The following HNRNPM variants were observed in gnomAD, a reference collection of about 807,000 sequenced individuals.
HNRNPM encodes heterogeneous nuclear ribonucleoprotein M.
In HNRNPM, 11 loss-of-function variants were observed where a neutral mutation model predicts 73.1. The observed-to-expected ratio is 0.15, with a 90% confidence interval of 0.09 to 0.25. HNRNPM has a LOEUF of 0.25. Among genes scored for constraint, HNRNPM ranks in the 10% least tolerant of loss-of-function variants. The pLI is 1.00. For missense variants in HNRNPM, 789 were observed against 1,067.9 expected (o/e 0.74, Z 3.64); for synonymous variants, 407 against 355.2 (o/e 1.15, Z -1.64).
intron 2 of HNRNPM, among the ~76,000 whole-genome samples, chr19:8,460,460 C>T (rs937159519): frequency 1.3e-5 from 2 of 152,124 alleles, no homozygotes; most frequent in Non-Finnish European, 2.9e-5. Context: ...AATGATGATA[C>T]CACTTGAGGT....
Position 8,445,336 on chromosome 19 carries a change from T to A in HNRNPM, c.113+225T>A, listed in dbSNP as rs1968065608. On this transcript the variant is annotated intron_variant, in intron 1 of 15. Transcript: ENST00000325495. ...GGGCCTCGAGCCTCGCCACCCTCAG[T>A]CCCTCCAGGCCGGGGCCAACCCCGT... is the stretch of plus-strand genomic sequence containing the variant. The A allele has an allele frequency of 1.0e-5, 4 of 396,034 alleles. No individual in the cohort carries two copies. In the Admixed American group the frequency reaches 1.8e-4, roughly 18 times the overall value. 24.5% of individuals were successfully genotyped at this position (396,034 alleles called of 1,614,324 possible). A position where few individuals can be genotyped will look rare whatever the true frequency, so the allele number is the denominator to read the frequency against.
chr19:8,486,871 A>C (rs374741291), intron 14 of HNRNPM, among the ~76,000 whole-genome samples, 153 bp from the exon 15 acceptor site: 2 of 152,104 alleles, frequency 1.3e-5, no homozygotes, highest in South Asian at 2.1e-4. Context: ...TCCCACATGT[A>C]TCTATTAGTT....
In HNRNPM at chr19:8,462,644, C is replaced by A; in HGVS notation, c.336+63C>A. On this transcript the variant is annotated intron_variant, in intron 3 of 15. Transcript: ENST00000325495. This position sits in a 1 kb window ranked among gnomAD's most constrained non-coding sequence, Gnocchi z 4.5. ...CATGAAAAATGTAACTGTATGGTGG[C>A]GTGGAATCGAATGAAATCAGGAAGG... The A allele has an allele frequency of 7.6e-7, 1 of 1,320,278 alleles. No homozygotes were observed. The highest frequency in any genetic ancestry group is 1.1e-6 in the Non-Finnish European group (1 of 912,022). 81.8% of individuals were successfully genotyped at this position (1,320,278 alleles called of 1,614,324 possible).
Position 8,462,443 on chromosome 19 carries a change from A to G in HNRNPM, c.284-86A>G. On this transcript the variant is annotated intron_variant, in intron 2 of 15. Transcript: ENST00000325495. This position sits in a 1 kb window ranked among gnomAD's most constrained non-coding sequence, Gnocchi z 4.5. ...TTCTTATAAGGCAGAGGCTCCATAC[A>G]AGGTTGCTGATGATTGTTCTAAATT... 2 of 1,136,932 alleles carry G rather than the reference A, an allele frequency of 1.8e-6. No homozygotes were observed. The highest frequency in any genetic ancestry group is 1.2e-5 in the South Asian group (1 of 81,430). 70.4% of individuals were successfully genotyped at this position (1,136,932 alleles called of 1,614,324 possible).
chr19:8,480,470 G>A (rs1461839435), intron 12 of HNRNPM, among the ~76,000 whole-genome samples: 1 of 151,778 alleles, frequency 6.6e-6, no homozygotes, highest in African/African-American at 2.4e-5. Context: ...TTTGAGACCA[G>A]CCTGGCCAAC....
chr19:8,473,347 G>T (rs1315269817), intron 10 of HNRNPM, among the ~76,000 whole-genome samples: 3 of 152,102 alleles, frequency 2.0e-5, no homozygotes, highest in African/African-American at 7.2e-5. Flanking sequence ...TGTAATCTCA[G>T]CTAGTCGGGA....
chr19:8,473,383 C>T (rs1270134936), intron 10 of HNRNPM, among the ~76,000 whole-genome samples: 2 of 152,028 alleles, frequency 1.3e-5, no homozygotes, highest in Admixed American at 1.3e-4. Flanking sequence ...ATTGCTTGAA[C>T]CCGGGAGGTG....
chr19:8,472,687 A>G (rs941307506), intron 10 of HNRNPM, among the ~76,000 whole-genome samples: 3 of 152,134 alleles, frequency 2.0e-5, no homozygotes, highest in African/African-American at 4.8e-5. Flanking sequence ...GGTTCAAGTG[A>G]TTCTCCTGCC....
At position 8,467,678 on chromosome 19, in the gene HNRNPM, T is replaced by C. The variant is rs1969848720; in HGVS notation, c.834+94T>C. 7 of 950,068 alleles carry C rather than the reference T, an allele frequency of 7.4e-6. No homozygotes were observed. The African/African-American group carries it at 9.7e-5, about 13-fold the overall frequency. 58.9% of individuals were successfully genotyped at this position (950,068 alleles called of 1,614,324 possible). ...ACATATAGCCACTATGAAATATTTG[T>C]GGATTAGTCTAAGTTAAATAGGGTG... On this transcript the variant is annotated intron_variant, in intron 8 of 15. Transcript: ENST00000325495.
At chr19:8,466,128 T>A in intron 6 of HNRNPM, 107 bp from the exon 7 acceptor site, 1 of 1,108,744 alleles carries the variant, frequency 9.0e-7, no homozygotes, top group South Asian at 1.5e-5. Context: ...GTGACATTAT[T>A]TCCTAATACT....
chr19:8,445,018 CGGCGGCGGAGGT>C lies in HNRNPM; in HGVS notation c.28_39del (p.Glu10_Ala13del). ...GAGAAAATGGCGGCAGGGGTCGAAG[CGGCGGCGGAGGT>C]GGCGGCGACGGAGATCAAAATGGAG... is the stretch of plus-strand genomic sequence containing the variant. On this transcript the variant is annotated inframe_deletion, in exon 1 of 16. Coordinates refer to ENST00000325495, the MANE Select transcript of HNRNPM (RefSeq NM_005968.5). 1.4e-6 allele frequency: 2 copies of C among 1,424,056 alleles called. No individual in the cohort carries two copies. Among genetic ancestry groups the C allele is most frequent in the Non-Finnish European group, 1.8e-6 (2 of 1,091,058 alleles). 88.2% of individuals were successfully genotyped at this position (1,424,056 alleles called of 1,614,324 possible). A position where few individuals can be genotyped will look rare whatever the true frequency, so the allele number is the denominator to read the frequency against.
chr19:8,480,165 T>C (rs1215926838), intron 12 of HNRNPM, among the ~76,000 whole-genome samples: 2 of 146,272 alleles, frequency 1.4e-5, no homozygotes, highest in Admixed American at 6.8e-5. Flanking sequence ...ATCACGAGGT[T>C]AGGAGTTCAA....
At chr19:8,483,012 C>A in intron 12 of HNRNPM, 146 bp from the exon 13 acceptor site, 1 of 612,992 alleles carries the variant, frequency 1.6e-6, no homozygotes, top group South Asian at 2.1e-5. Flanking sequence ...GTAAAATGAT[C>A]TTGTCTGTGC....
chr19:8,484,868 C>T (rs1193300305), intron 13 of HNRNPM, among the ~76,000 whole-genome samples: 5 of 152,100 alleles, frequency 3.3e-5, no homozygotes, highest in Admixed American at 1.3e-4. Flanking sequence ...CGGGTGGGGG[C>T]GTCCCTTCGT....
chr19:8,488,327 C>T (rs1485742835), intron 15 of HNRNPM: 7 of 215,722 alleles, frequency 3.2e-5, no homozygotes, highest in South Asian at 2.4e-4. Context: ...ACAGTACAGA[C>T]GTGTCCATTG....
chr19:8,486,521 C>T (rs746302627), intron 14 of HNRNPM, 116 bp downstream of exon 14: 11 of 828,946 alleles, frequency 1.3e-5, no homozygotes, highest in Admixed American at 2.8e-5. Context: ...CACCTCCTTG[C>T]CACTGTCCCA....
At chr19:8,478,646 C>CT (rs1599835232) in intron 12 of HNRNPM, among the ~76,000 whole-genome samples, 1 of 152,030 alleles carries the variant, frequency 6.6e-6, no homozygotes, top group Non-Finnish European at 1.5e-5. Flanking sequence ...AAATTTAGGT[C>CT]TTTTAGTGTT....
chr19:8,485,499 C>A (rs1971211227), intron 13 of HNRNPM, 104 bp from the exon 14 acceptor site: 2 of 1,134,906 alleles, frequency 1.8e-6, no homozygotes, highest in Non-Finnish European at 2.5e-6. Flanking sequence ...TTATGGTGGG[C>A]CTTTACCCCT....
At chr19:8,471,273 G>C (rs1328571976) in intron 9 of HNRNPM, 53 bp from the exon 10 acceptor site, 49 of 1,152,954 alleles carry the variant, frequency 4.2e-5, no homozygotes, top group Non-Finnish European at 6.1e-5. Context: ...TCCTTTGAGG[G>C]TCAAGGTTTG....
Sources: gnomAD v4.1 joint callset for allele counts (sites outside exome capture counted in the v4.1 genomes callset) on GRCh38, gnomAD v4.1.1 for gene constraint, Gnocchi (gnomAD v3.1) non-coding constraint, MANE v1.5 for transcripts, NCBI Gene and HGNC (gene_info 2026-07-23, HGNC 2026-07-21) for gene names.